SUMF1: variants seen among roughly 807,000 people sequenced by gnomAD.
SUMF1 encodes sulfatase modifying factor 1, also known as formylglycine-generating enzyme.
SUMF1 carries 48 observed loss-of-function variants against 47.6 expected under a neutral mutation model. The observed-to-expected ratio is 1.01, with a 90% CI of 0.80 to 1.28. The LOEUF (loss-of-function observed/expected upper bound fraction) is 1.28, where lower values mean the gene tolerates loss of function less well. Ranked by LOEUF, SUMF1 falls within the 50% of genes most tolerant of loss-of-function variation. The pLI is 0.00. For synonymous variants in SUMF1, 230 were observed against 192.1 expected (o/e 1.20, Z -1.63); for missense variants, 571 against 485.4 (o/e 1.18, Z -1.66).
chr3:4,086,764 G>A (rs923340090), intron 8 of SUMF1, among the ~76,000 whole-genome samples: 4 of 151,956 alleles, frequency 2.6e-5, no homozygotes, highest in South Asian at 2.1e-4. Flanking sequence ...TCATGAGGGC[G>A]GTTTCCCCCA....
intron 9 of SUMF1, among the ~76,000 whole-genome samples, chr3:4,046,128 A>C (rs746013827): frequency 3.3e-5 from 5 of 152,252 alleles, no homozygotes; most frequent in African/African-American, 7.2e-5. Flanking sequence ...CAGGGGGAGA[A>C]AGGAGGGGAA....
intron 7 of SUMF1, among the ~76,000 whole-genome samples, chr3:4,399,281 G>GCATA (rs1701133776): frequency 6.6e-6 from 1 of 152,112 alleles, no homozygotes; most frequent in Non-Finnish European, 1.5e-5. Flanking sequence ...AGGGTCTGAG[G>GCATA]CATATATCTT....
chr3:4,291,057 G>A (rs999352478), intron 8 of SUMF1, among the ~76,000 whole-genome samples: 2 of 152,214 alleles, frequency 1.3e-5, no homozygotes, highest in Admixed American at 1.3e-4. Flanking sequence ...CTCTTTTAAG[G>A]ATAAAAGAAC....
At chr3:4,056,175 G>A (rs190948816) in intron 9 of SUMF1, among the ~76,000 whole-genome samples, 89 of 152,164 alleles carry the variant, frequency 5.8e-4, no homozygotes, top group African/African-American at 2.0e-3. Flanking sequence ...AGGTTTCTGG[G>A]ATTGGGATGT....
chr3:4,180,359 C>A (rs1355175418), intron 8 of SUMF1, among the ~76,000 whole-genome samples: 1 of 152,072 alleles, frequency 6.6e-6, no homozygotes, highest in African/African-American at 2.4e-5. Context: ...GCATACTATG[C>A]AGCCATAAAA....
At chr3:4,314,812 C>A (rs1176325167) in intron 8 of SUMF1, among the ~76,000 whole-genome samples, 1 of 152,150 alleles carries the variant, frequency 6.6e-6, no homozygotes, top group African/African-American at 2.4e-5. Flanking sequence ...ATTTTGAAAG[C>A]TAAAATAATT....
intron 8 of SUMF1, among the ~76,000 whole-genome samples, chr3:4,120,547 C>T (rs1312132929): frequency 6.6e-6 from 1 of 152,088 alleles, no homozygotes; most frequent in Non-Finnish European, 1.5e-5. Flanking sequence ...CATGATACTG[C>T]CTGGCCTCCT....
chr3:4,124,364 A>G (rs1176557923), intron 8 of SUMF1, among the ~76,000 whole-genome samples: 2 of 152,172 alleles, frequency 1.3e-5, no homozygotes, highest in Admixed American at 6.5e-5. Context: ...GGTACAAGTA[A>G]TGTTTATGAA....
At chr3:4,153,073 ACAGC>A (rs754371109) in intron 8 of SUMF1, among the ~76,000 whole-genome samples, 2 of 151,594 alleles carry the variant, frequency 1.3e-5, no homozygotes, top group Non-Finnish European at 2.9e-5. Flanking sequence ...CTGCAAAGTT[ACAGC>A]TACAATCACT....
At chr3:4,266,014 A>C (rs1697186808) in intron 8 of SUMF1, among the ~76,000 whole-genome samples, 1 of 152,024 alleles carries the variant, frequency 6.6e-6, no homozygotes, top group South Asian at 2.1e-4. Context: ...TGTTTTTCTC[A>C]GGTTTGTCAA....
At chr3:4,436,390 G>A (rs1048780742) in intron 3 of SUMF1, among the ~76,000 whole-genome samples, 1 of 151,974 alleles carries the variant, frequency 6.6e-6, no homozygotes, top group African/African-American at 2.4e-5. Context: ...TAGCCAAATA[G>A]ACAACAGAAT....
intron 8 of SUMF1, chr3:4,317,512 G>C: frequency 3.7e-6 from 1 of 272,426 alleles, no homozygotes; most frequent in Non-Finnish European, 6.9e-6. Flanking sequence ...GTGAGACCCT[G>C]ACTCTAATAA....
chr3:4,230,710 C>T (rs1242803), intron 8 of SUMF1, among the ~76,000 whole-genome samples: 87,086 of 151,746 alleles, frequency 0.57, 25,312 homozygotes, highest in South Asian at 0.62. Context: ...GTGGTGGGGC[C>T]GAAATTCCCA....
intron 8 of SUMF1, among the ~76,000 whole-genome samples, chr3:4,159,273 ATT>A (rs60482121): frequency 7.0e-6 from 1 of 143,264 alleles, no homozygotes. Context: ...CTCTGGTGGT[ATT>A]TTTTTTTTTA....
chr3:4,463,217 C>T (rs920403866), intron 1 of SUMF1, among the ~76,000 whole-genome samples: 3 of 152,176 alleles, frequency 2.0e-5, no homozygotes, highest in Non-Finnish European at 2.9e-5. Flanking sequence ...TAGGGCTGGG[C>T]GCGGTGGCTC....
intron 8 of SUMF1, among the ~76,000 whole-genome samples, chr3:4,147,365 C>T (rs923635894): frequency 1.4e-4 from 21 of 152,094 alleles, no homozygotes; most frequent in Middle Eastern, 3.2e-3. Context: ...CACATGCACA[C>T]GTATGTTTAT....
intron 8 of SUMF1, among the ~76,000 whole-genome samples, chr3:4,289,888 A>G (rs1697707049): frequency 6.6e-6 from 1 of 152,250 alleles, no homozygotes; most frequent in South Asian, 2.1e-4. Context: ...GAATGACTCT[A>G]GCATCAAATA....
At chr3:4,046,417 C>T (rs1025233613) in intron 9 of SUMF1, among the ~76,000 whole-genome samples, 1 of 152,136 alleles carries the variant, frequency 6.6e-6, no homozygotes, top group Non-Finnish European at 1.5e-5. Flanking sequence ...GAGTTTTAGC[C>T]AGTGGGATAA....
intron 8 of SUMF1, among the ~76,000 whole-genome samples, chr3:4,267,410 A>G (rs1231806321): frequency 6.6e-6 from 1 of 152,098 alleles, no homozygotes; most frequent in Non-Finnish European, 1.5e-5. Flanking sequence ...AGCTCCTGTT[A>G]TTGGTCTATT....
Sources: allele counts gnomAD v4.1 joint callset (sites outside exome capture counted in the v4.1 genomes callset), GRCh38; gene constraint gnomAD v4.1.1; transcripts MANE v1.5; gene names NCBI Gene and HGNC (gene_info 2026-07-23, HGNC 2026-07-21).